The following KDM1A variants were observed in gnomAD, a reference collection of about 807,000 sequenced individuals.
KDM1A encodes the protein lysine-specific histone demethylase 1A.
In KDM1A, 49 loss-of-function variants were observed where a neutral mutation model predicts 109.4. That is an observed-to-expected ratio of 0.45 (90% confidence interval 0.36 to 0.57). The LOEUF is 0.57. Ranked by LOEUF, KDM1A falls within the 20% of genes least tolerant of loss-of-function variation. The pLI is 0.00. For missense variants in KDM1A, 668 were observed against 1,116.6 expected (o/e 0.60, Z 5.73); for synonymous variants, 380 against 415.4 (o/e 0.91, Z 1.04).
At chr1:23,057,252 C>T (rs1330697757) in intron 7 of KDM1A, among the ~76,000 whole-genome samples, 1 of 152,148 alleles carries the variant, frequency 6.6e-6, no homozygotes, top group Non-Finnish European at 1.5e-5. Context: ...AATTCTGTGT[C>T]GTTTAGTTAT....
intron 1 of KDM1A, among the ~76,000 whole-genome samples, chr1:23,020,927 T>G (rs1362492202): frequency 1.3e-5 from 2 of 152,188 alleles, no homozygotes; most frequent in African/African-American, 2.4e-5. Flanking sequence ...GGCGCAGACT[T>G]TAGACTTGGG....
rs546623091 is a variant in KDM1A, at chr1:23,031,275, C to A, written c.517+641C>A. 2.6e-5 allele frequency among the ~76,000 whole-genome samples: 4 copies of A among 152,328 alleles called. No homozygotes were observed. In the East Asian group the frequency reaches 7.7e-4, roughly 29 times the overall value. Reference sequence around the variant, plus strand: ...GGATGGCTGGACCAATCAGGGATATCTGCCTTTCTGTTTTGGAGAGACCAA... The same window carrying A: ...GGATGGCTGGACCAATCAGGGATATATGCCTTTCTGTTTTGGAGAGACCAA... On this transcript the variant is annotated intron_variant, in intron 2 of 20. Transcript: ENST00000400181.
chr1:23,047,198 A>T lies in KDM1A; in HGVS notation c.577+2712A>T, dbSNP rs193153311. Among the ~76,000 whole-genome samples the T allele has an allele frequency of 4.2e-4, 61 of 146,348 alleles. No individual in the cohort carries two copies. In the East Asian group the frequency reaches 4.9e-3, roughly 12 times the overall value. On this transcript the variant is annotated intron_variant, in intron 3 of 20. Coordinates refer to ENST00000400181, the MANE Select transcript of KDM1A (RefSeq NM_001009999.3). ...CAGTTTAGGTTACAAATTAACATAC[A>T]TTTTTTTTTTCTTTAAGAAAAGGTT...
intron 20 of KDM1A, chr1:23,082,912 T>C (rs1643664169): frequency 3.2e-6 from 1 of 312,994 alleles, no homozygotes; most frequent in African/African-American, 2.1e-5. Flanking sequence ...GGAAGGACGC[T>C]TTACAACTGG....
chr1:23,027,347 A>G (rs1005905113), intron 1 of KDM1A, among the ~76,000 whole-genome samples: 17 of 151,642 alleles, frequency 1.1e-4, no homozygotes, highest in Non-Finnish European at 2.1e-4. Context: ...TTTGTTTATG[A>G]AGTATTGTGG....
At chr1:23,039,050 A>G (rs1642231635) in intron 2 of KDM1A, among the ~76,000 whole-genome samples, 1 of 152,200 alleles carries the variant, frequency 6.6e-6, no homozygotes, top group African/African-American at 2.4e-5. Flanking sequence ...GAGATTAATC[A>G]TGCATTTATG....
intron 19 of KDM1A, 180 bp downstream of exon 19, chr1:23,081,753 CAAGAG>C: frequency 5.9e-6 from 4 of 678,450 alleles, no homozygotes; most frequent in Non-Finnish European, 7.1e-6. Flanking sequence ...CCCCCCAGGA[CAAGAG>C]CTGGGGAGTC....
At chr1:23,077,402 A>G in intron 16 of KDM1A, 42 bp downstream of exon 16, 2 of 1,585,220 alleles carry the variant, frequency 1.3e-6, no homozygotes, top group Non-Finnish European at 1.7e-6. Flanking sequence ...AACTCTCCTG[A>G]AACAGGACTG....
At position 23,073,350 on chromosome 1, in the gene KDM1A, G is replaced by A; in HGVS notation, c.1681G>A (p.Glu561Lys). The A allele has an allele frequency of 6.2e-7, 1 of 1,612,948 alleles. No individual in the cohort carries two copies. The highest frequency in any genetic ancestry group is 8.5e-7 in the Non-Finnish European group (1 of 1,179,274). Residue 561 changes from glutamate (E) to lysine (K), a missense_variant, in exon 15 of 21, where the codon GAA becomes AAA. By Grantham distance (56) the Glu-to-Lys change is moderately conservative. Transcript: ENST00000400181. The part of the protein sequence containing the change: ...QILDWHFANL[E>K]FANATPLSTL... ...ACTTGATTGGCATTTTGCAAATCTT[G>A]AATTTGCTAATGCCACACCTCTCTC...
At position 23,083,581 on chromosome 1, in the gene KDM1A, T is replaced by TAAAG. The variant is rs139522271; in HGVS notation, c.*219_*222dup. 2.6e-3 allele frequency: 1,113 copies of TAAAG among 421,632 alleles called. 19 individuals are homozygous for TAAAG. In the East Asian group the frequency reaches 0.033, roughly 12 times the overall value. The allele number at this position is 421,632 out of a possible 1,614,324, so 26.1% of individuals were successfully genotyped here. Reference sequence around the variant, plus strand: ...CATTAGTTTGGAATTGTGTTCTTCGTAAAGACTGAGGCAAGCAAGTGCTGT... The same window carrying TAAAG: ...CATTAGTTTGGAATTGTGTTCTTCGTAAAGAAAGACTGAGGCAAGCAAGTGCTGT... On this transcript the variant is annotated 3_prime_UTR_variant, in exon 21 of 21. Transcript: ENST00000400181.
At chr1:23,074,913 C>T (rs928050988) in intron 15 of KDM1A, among the ~76,000 whole-genome samples, 1 of 152,184 alleles carries the variant, frequency 6.6e-6, no homozygotes, top group African/African-American at 2.4e-5. Context: ...CACTATCATA[C>T]TGTCTTGTAA....
At chr1:23,042,440 A>ATTTTT (rs769149894) in intron 2 of KDM1A, among the ~76,000 whole-genome samples, 41 of 21,548 alleles carry the variant, frequency 1.9e-3, no homozygotes, top group Non-Finnish European at 2.8e-3. Flanking sequence ...GAAATATATT[A>ATTTTT]TTTTTTTTTT....
chr1:23,037,924 T>C (rs1015493921), intron 2 of KDM1A, among the ~76,000 whole-genome samples: 2 of 152,240 alleles, frequency 1.3e-5, no homozygotes, highest in Admixed American at 6.5e-5. Context: ...TTTGAATTCT[T>C]TTTGTTGCCA....
intron 7 of KDM1A, 140 bp from the exon 8 acceptor site, chr1:23,057,344 C>A: frequency 1.6e-6 from 1 of 640,010 alleles, no homozygotes. Context: ...TCTTTGTGCC[C>A]ATAGTACTGT....
chr1:23,032,173 A>G (rs1642003335), intron 2 of KDM1A, among the ~76,000 whole-genome samples: 1 of 151,960 alleles, frequency 6.6e-6, no homozygotes, highest in Non-Finnish European at 1.5e-5. Flanking sequence ...GAGTGGGCTG[A>G]CTTCTTAGTT....
Position 23,019,482 on chromosome 1 carries a change from C to G in KDM1A, c.-115C>G. On this transcript the variant is annotated 5_prime_UTR_variant, in exon 1 of 21. Transcript: ENST00000400181. ...GGAGCGCGCTTGGCGCGTGCGTACG[C>G]GACGGCGGTTGGCGGCGCGCGGGCA... 1.6e-6 allele frequency: 2 copies of G among 1,275,288 alleles called. No individual in the cohort carries two copies. The highest frequency in any genetic ancestry group is 2.0e-6 in the Non-Finnish European group (2 of 1,010,120). The allele number at this position is 1,275,288 out of a possible 1,614,324, so 79.0% of individuals were successfully genotyped here.
chr1:23,027,700 G>T (rs1221170187), intron 1 of KDM1A, among the ~76,000 whole-genome samples: 1 of 149,706 alleles, frequency 6.7e-6, no homozygotes, highest in Non-Finnish European at 1.5e-5. Flanking sequence ...GAGATTACAG[G>T]CTTGAGCCAC....
intron 9 of KDM1A, among the ~76,000 whole-genome samples, chr1:23,061,455 T>A (rs966238401): frequency 6.6e-6 from 1 of 152,226 alleles, no homozygotes; most frequent in South Asian, 2.1e-4. Flanking sequence ...AGGATTTTTC[T>A]AAGTTGATAC....
chr1:23,022,158 A>G (rs1641652514), intron 1 of KDM1A, among the ~76,000 whole-genome samples: 1 of 152,130 alleles, frequency 6.6e-6, no homozygotes, highest in African/African-American at 2.4e-5. Context: ...TTTTGTGAAT[A>G]TGTTTTCAGT....
Sources: allele counts gnomAD v4.1 joint callset (sites outside exome capture counted in the v4.1 genomes callset), GRCh38; gene constraint gnomAD v4.1.1; transcripts MANE v1.5; gene names NCBI Gene and HGNC (gene_info 2026-07-23, HGNC 2026-07-21).